The following SPMAP2 variants were observed in gnomAD, a reference collection of about 807,000 sequenced individuals.
SPMAP2 encodes Theg homolog.
the SPMAP2 span, chr19:372,743 C>A: frequency 6.3e-7 from 1 of 1,594,586 alleles, no homozygotes; most frequent in East Asian, 2.2e-5. Flanking sequence ...CCAGTGTCAA[C>A]ACCCTGCAGT....
chr19:373,674 G>A, the SPMAP2 span: 2 of 730,992 alleles, frequency 2.7e-6, no homozygotes, highest in South Asian at 1.7e-5. Context: ...AGGACAGTGG[G>A]GGGGCCGGCG....
At chr19:368,420 G>A in the SPMAP2 span, among the ~76,000 whole-genome samples, 3 of 148,972 alleles carry the variant, frequency 2.0e-5, no homozygotes, top group African/African-American at 4.9e-5. The surrounding 1 kb of genome is among the most constrained non-coding windows in gnomAD (Gnocchi z 4.1). Context: ...CGCTTCACAC[G>A]TCTCCCACTT....
the SPMAP2 span, among the ~76,000 whole-genome samples, chr19:371,837 A>C: frequency 2.3e-4 from 35 of 152,316 alleles, 1 homozygote; most frequent in South Asian, 6.8e-3. Context: ...ATAAAGCCGC[A>C]TTTCATTGAT....
chr19:370,332 G>A, the SPMAP2 span, among the ~76,000 whole-genome samples: 1 of 150,730 alleles, frequency 6.6e-6, no homozygotes, highest in African/African-American at 2.4e-5. Context: ...GCTGTATACA[G>A]ATATTCACAG....
chr19:362,777 A>G, the SPMAP2 span, among the ~76,000 whole-genome samples: 310 of 150,952 alleles, frequency 2.1e-3, no homozygotes, highest in Admixed American at 3.2e-3. Flanking sequence ...AAAAAAAAAA[A>G]AAAAAAAAAA....
At chr19:369,344 C>G in the SPMAP2 span, among the ~76,000 whole-genome samples, 4 of 152,086 alleles carry the variant, frequency 2.6e-5, no homozygotes, top group Non-Finnish European at 4.4e-5. Context: ...GCTCAATCCC[C>G]GCCCGGAGAA....
At chr19:371,130 C>G in the SPMAP2 span, 4 of 880,864 alleles carry the variant, frequency 4.5e-6, no homozygotes, top group Non-Finnish European at 6.6e-6. Flanking sequence ...CTCCCAAACG[C>G]AAAGCCTCTT....
chr19:366,151 A>C, the SPMAP2 span, among the ~76,000 whole-genome samples: 1,120 of 152,018 alleles, frequency 7.4e-3, 25 homozygotes, highest in African/African-American at 0.026. Context: ...AAAAAAAAAA[A>C]GGTGGTCCCA....
the SPMAP2 span, among the ~76,000 whole-genome samples, chr19:368,499 G>A: frequency 6.6e-6 from 1 of 152,252 alleles, no homozygotes; most frequent in Non-Finnish European, 1.5e-5. This position sits in a 1 kb window ranked among gnomAD's most constrained non-coding sequence, Gnocchi z 4.1. Context: ...GGGAAGGAGG[G>A]CAGCTGCTGA....
the SPMAP2 span, chr19:373,564 G>A: frequency 2.5e-6 from 4 of 1,606,552 alleles, no homozygotes; most frequent in Non-Finnish European, 3.4e-6. Context: ...GGCAAGGGAG[G>A]CAGAGAGCCC....
chr19:364,126 G>A, the SPMAP2 span, among the ~76,000 whole-genome samples: 14 of 150,798 alleles, frequency 9.3e-5, no homozygotes, highest in Middle Eastern at 3.2e-3. Flanking sequence ...AAGGTCAGGA[G>A]ATCGAGACCA....
At chr19:370,053 G>A in the SPMAP2 span, among the ~76,000 whole-genome samples, 1 of 152,082 alleles carries the variant, frequency 6.6e-6, no homozygotes, top group Non-Finnish European at 1.5e-5. Context: ...CCAGGATACG[G>A]CGCACCTGGG....
At chr19:375,095 G>A in the SPMAP2 span, among the ~76,000 whole-genome samples, 1 of 152,144 alleles carries the variant, frequency 6.6e-6, no homozygotes, top group Middle Eastern at 3.2e-3. Context: ...GGACCACGCT[G>A]CAGGGAGGAC....
chr19:373,371 G>A, the SPMAP2 span: 2 of 1,153,262 alleles, frequency 1.7e-6, no homozygotes, highest in Admixed American at 1.9e-5. Context: ...CCGAGGAGAT[G>A]GGGCAAGGGA....
chr19:368,660 A>G, the SPMAP2 span, among the ~76,000 whole-genome samples: 3 of 152,266 alleles, frequency 2.0e-5, no homozygotes, highest in Middle Eastern at 3.4e-3. The surrounding 1 kb of genome is among the most constrained non-coding windows in gnomAD (Gnocchi z 4.1). Context: ...GGATGAAACC[A>G]TCCCCAAAGG....
At chr19:375,602 C>A in the SPMAP2 span, 3 of 1,450,432 alleles carry the variant, frequency 2.1e-6, no homozygotes, top group Non-Finnish European at 2.7e-6. Flanking sequence ...GCCCTCCCCC[C>A]ACTGCCAGGG....
the SPMAP2 span, chr19:374,061 C>T: frequency 1.2e-3 from 1,929 of 1,583,272 alleles, 7 homozygotes; most frequent in Admixed American, 1.6e-3. Flanking sequence ...CTGGGTCTCC[C>T]GTTTGCTCCC....
At chr19:365,771 G>A in the SPMAP2 span, among the ~76,000 whole-genome samples, 3 of 147,688 alleles carry the variant, frequency 2.0e-5, no homozygotes, top group African/African-American at 7.4e-5. Context: ...CAGCAAGTGT[G>A]AGCACAAACA....
chr19:375,612 G>A, the SPMAP2 span: 2 of 1,489,098 alleles, frequency 1.3e-6, no homozygotes, highest in South Asian at 2.8e-5. Flanking sequence ...CACTGCCAGG[G>A]GCTGAGCCCT....
Sources: gnomAD v4.1 joint callset for allele counts (sites outside exome capture counted in the v4.1 genomes callset) on GRCh38, gnomAD v4.1.1 for gene constraint, Gnocchi (gnomAD v3.1) non-coding constraint, MANE v1.5 for transcripts, NCBI Gene and HGNC (gene_info 2026-07-23, HGNC 2026-07-21) for gene names.